The following LPP variants were observed in gnomAD, a reference collection of about 807,000 sequenced individuals.
The protein encoded by LPP is lipoma-preferred partner.
Under a neutral mutation model 60.4 loss-of-function variants are expected in LPP, and 38 were observed. That is an observed-to-expected ratio of 0.63 (90% confidence interval 0.49 to 0.83). The LOEUF (loss-of-function observed/expected upper bound fraction) is 0.83. Ranked by LOEUF, LPP falls within the 40% of genes least tolerant of loss-of-function variation. The pLI is 0.00. For synonymous variants in LPP, 328 were observed against 290.8 expected, an observed-to-expected ratio of 1.13 and a Z score of -1.30; for missense variants, 902 against 783.6, an observed-to-expected ratio of 1.15 and a Z score of -1.80.
intron 5 of LPP, among the ~76,000 whole-genome samples, chr3:188,491,612 C>G (rs139071626): frequency 1.3e-5 from 2 of 152,254 alleles, no homozygotes; most frequent in African/African-American, 4.8e-5. Flanking sequence ...TTGCAATTAT[C>G]TCCTATTTTT....
intron 6 of LPP, among the ~76,000 whole-genome samples, chr3:188,556,657 T>C (rs1400686982): frequency 6.6e-6 from 1 of 152,012 alleles, no homozygotes; most frequent in Admixed American, 6.6e-5. Context: ...TGAATTAACC[T>C]CATTATGATC....
chr3:188,498,115 G>A (rs1373196948), intron 5 of LPP, among the ~76,000 whole-genome samples: 1 of 152,076 alleles, frequency 6.6e-6, no homozygotes, highest in African/African-American at 2.4e-5. Context: ...ACCTCCTCCA[G>A]GCAGGCACAA....
At chr3:188,735,020 C>T (rs892253315) in intron 8 of LPP, among the ~76,000 whole-genome samples, 9 of 152,290 alleles carry the variant, frequency 5.9e-5, no homozygotes, top group African/African-American at 1.2e-4. Context: ...GTATTCACGT[C>T]GTTGTTGATC....
At chr3:188,791,202 T>A (rs779382212) in intron 9 of LPP, among the ~76,000 whole-genome samples, 4 of 152,156 alleles carry the variant, frequency 2.6e-5, no homozygotes, top group Non-Finnish European at 5.9e-5. Context: ...GGTCCTGCTC[T>A]GGGAGAAATG....
intron 9 of LPP, among the ~76,000 whole-genome samples, chr3:188,859,089 TAAAAAAAAA>T (rs35722501): frequency 1.5e-4 from 16 of 103,940 alleles, no homozygotes; most frequent in African/African-American, 4.7e-4. Flanking sequence ...ACTCTGTCTT[TAAAAAAAAA>T]AAAAAAAAAA....
rs144373772 is a variant in LPP at position 188,459,829 on chromosome 3, T to G, written c.194-24763T>G. The stretch of plus-strand genomic sequence containing the variant: ...TTATTTTCCTCTTAGCAATCTATAT[T>G]GATTATTCATGGGGGGGGGTTCTTT... On this transcript the variant is annotated intron_variant, in intron 4 of 11. Coordinates refer to ENST00000617246, the MANE Select transcript of LPP (RefSeq NM_001375462.1). 5.1e-5 allele frequency among the ~76,000 whole-genome samples: 6 copies of G among 117,156 alleles called. No homozygotes were observed. In the East Asian group the frequency reaches 1.6e-3, roughly 32 times the overall value. 76.9% of individuals were successfully genotyped at this position (117,156 alleles called of 152,430 possible).
At chr3:188,179,656 T>C in intron 1 of LPP, 1 of 370,622 alleles carries the variant, frequency 2.7e-6, no homozygotes, top group Admixed American at 3.4e-5. Flanking sequence ...TGGAGTGAGC[T>C]TCAGCAAGCC....
intron 5 of LPP, among the ~76,000 whole-genome samples, chr3:188,515,135 ATCTCC>A (rs1250618805): frequency 6.6e-6 from 1 of 152,072 alleles, no homozygotes; most frequent in Non-Finnish European, 1.5e-5. Context: ...TCAGAATGTG[ATCTCC>A]AGTGTTTGAA....
At chr3:188,833,544 G>C (rs2151622372) in intron 9 of LPP, among the ~76,000 whole-genome samples, 1 of 152,260 alleles carries the variant, frequency 6.6e-6, no homozygotes, top group African/African-American at 2.4e-5. Flanking sequence ...AAAGCAATTA[G>C]CATCCCTCTG....
At chr3:188,772,377 A>AT (rs774545619) in intron 9 of LPP, among the ~76,000 whole-genome samples, 66 of 152,274 alleles carry the variant, frequency 4.3e-4, no homozygotes, top group Middle Eastern at 3.4e-3. Flanking sequence ...CTCTCATAGG[A>AT]TTGATCCTCA....
chr3:188,325,286 G>T (rs73192616), intron 2 of LPP, among the ~76,000 whole-genome samples: 2,299 of 152,106 alleles, frequency 0.015, 23 homozygotes, highest in African/African-American at 0.023. Flanking sequence ...TGGCCTCTCT[G>T]CTTTTTTCAT....
intron 5 of LPP, among the ~76,000 whole-genome samples, chr3:188,495,476 T>C (rs1809917950): frequency 6.6e-6 from 1 of 152,028 alleles, no homozygotes; most frequent in African/African-American, 2.4e-5. Flanking sequence ...AGTTACTTAT[T>C]TTTAAATAGA....
intron 2 of LPP, among the ~76,000 whole-genome samples, chr3:188,292,759 C>G (rs751160042): frequency 3.9e-5 from 6 of 152,140 alleles, no homozygotes; most frequent in Non-Finnish European, 5.9e-5. Flanking sequence ...TACCAGCTTC[C>G]TGATAGTGTC....
intron 6 of LPP, among the ~76,000 whole-genome samples, chr3:188,556,686 T>A (rs1354161859): frequency 6.6e-6 from 1 of 152,020 alleles, no homozygotes; most frequent in Non-Finnish European, 1.5e-5. Flanking sequence ...TCCACATAGT[T>A]CTCCAGATTG....
intron 6 of LPP, chr3:188,568,472 A>G (rs1189494578): frequency 6.6e-6 from 1 of 151,966 alleles, no homozygotes; most frequent in African/African-American, 2.4e-5. Context: ...CCTATGTGCT[A>G]GGGTTATGGA....
chr3:188,653,995 C>T (rs555428196), intron 7 of LPP, among the ~76,000 whole-genome samples: 16 of 152,266 alleles, frequency 1.1e-4, no homozygotes, highest in African/African-American at 2.6e-4. Context: ...ATCCCTTGTC[C>T]GCTGTGACCT....
intron 1 of LPP, among the ~76,000 whole-genome samples, chr3:188,169,030 T>G (rs1396529828): frequency 6.6e-6 from 1 of 152,274 alleles, no homozygotes; most frequent in Non-Finnish European, 1.5e-5. Context: ...TGATTCATCA[T>G]TTTTATTTTC....
intron 7 of LPP, among the ~76,000 whole-genome samples, chr3:188,660,185 T>C (rs1231859897): frequency 1.3e-5 from 2 of 152,196 alleles, no homozygotes; most frequent in Non-Finnish European, 2.9e-5. Context: ...GTTCTCCTGA[T>C]GTGTGAAAAT....
intron 7 of LPP, among the ~76,000 whole-genome samples, chr3:188,613,156 T>A (rs1298121939): frequency 2.0e-5 from 3 of 150,374 alleles, no homozygotes; most frequent in African/African-American, 4.8e-5. Context: ...AAAGATGCAG[T>A]GGAATCTCTT....
Sources: gnomAD v4.1 joint callset for allele counts (sites outside exome capture counted in the v4.1 genomes callset) on GRCh38, gnomAD v4.1.1 for gene constraint, MANE v1.5 for transcripts, NCBI Gene and HGNC (gene_info 2026-07-23, HGNC 2026-07-21) for gene names.